The following PTPRD variants were observed in gnomAD, a reference collection of about 807,000 sequenced individuals.
PTPRD encodes receptor-type tyrosine-protein phosphatase delta.
PTPRD carries 34 observed loss-of-function variants against 214.5 expected under a neutral mutation model. The observed-to-expected ratio is 0.16, with a 90% CI of 0.12 to 0.21. The LOEUF (loss-of-function observed/expected upper bound fraction) is 0.21, where lower values mean the gene tolerates loss of function less well. Among genes scored for constraint, PTPRD ranks in the 10% least tolerant of loss-of-function variants. The pLI, the probability that PTPRD is intolerant of heterozygous loss-of-function variation, is 1.00. For missense variants in PTPRD, 2,545 were observed against 2,398.7 expected, an observed-to-expected ratio of 1.06 and a Z score of -1.27; for synonymous variants, 1,128 against 845.7, an observed-to-expected ratio of 1.33 and a Z score of -5.79.
At chr9:9,008,597 G>C (rs538690155) in intron 11 of PTPRD, among the ~76,000 whole-genome samples, 2 of 152,100 alleles carry the variant, frequency 1.3e-5, no homozygotes, top group Non-Finnish European at 2.9e-5. Context: ...AAAGGATGGA[G>C]TTAACTTTGT....
intron 3 of PTPRD, among the ~76,000 whole-genome samples, chr9:10,202,746 T>C (rs2099434289): frequency 6.8e-6 from 1 of 147,364 alleles, no homozygotes; most frequent in African/African-American, 2.5e-5. Flanking sequence ...CAATGTATGA[T>C]GCAGTTTGAT....
chr9:10,502,749 G>C (rs833448), intron 2 of PTPRD, among the ~76,000 whole-genome samples: 82,615 of 151,836 alleles, frequency 0.54, 23,041 homozygotes, highest in Admixed American at 0.68. Context: ...GTTGCATGTA[G>C]TTATCTAGCA....
rs140830787 is a variant in PTPRD, at chr9:9,796,993, A to G, written c.-367-30142T>C. Among the ~76,000 whole-genome samples the G allele has an allele frequency of 2.8e-3, 432 of 152,302 alleles. 3 individuals are homozygous for G. Among genetic ancestry groups the G allele is most frequent in the Middle Eastern group, 0.014 (4 of 294 alleles). On this transcript the variant is annotated intron_variant, in intron 5 of 45. Transcript: ENST00000381196. ...GGTAAACTCAGTGTAAGAAGTTTTT[A>G]TCAACTAATAGAGATGGAAGATTGA...
intron 9 of PTPRD, among the ~76,000 whole-genome samples, chr9:9,234,574 A>T (rs528019935): frequency 6.6e-6 from 1 of 152,140 alleles, no homozygotes; most frequent in South Asian, 2.1e-4. Flanking sequence ...AAATTTTCCA[A>T]ACTTTTATGC....
chr9:9,319,191 G>C (rs1345197867), intron 9 of PTPRD, among the ~76,000 whole-genome samples: 1 of 152,302 alleles, frequency 6.6e-6, no homozygotes, highest in East Asian at 1.9e-4. Flanking sequence ...CAGAATGAAT[G>C]AATGCTGCCT....
intron 3 of PTPRD, among the ~76,000 whole-genome samples, chr9:10,120,445 A>G (rs1385418412): frequency 2.0e-5 from 3 of 151,998 alleles, no homozygotes; most frequent in Non-Finnish European, 4.4e-5. Context: ...TCAAGCTCAC[A>G]CAAATCATAA....
At chr9:8,423,131 T>A (rs1564702078) in intron 35 of PTPRD, among the ~76,000 whole-genome samples, 1 of 152,118 alleles carries the variant, frequency 6.6e-6, no homozygotes, top group Non-Finnish European at 1.5e-5. Flanking sequence ...TCATGTTTCA[T>A]AATAACCAGA....
At chr9:8,707,673 C>T (rs2154401039) in intron 12 of PTPRD, among the ~76,000 whole-genome samples, 1 of 152,264 alleles carries the variant, frequency 6.6e-6, no homozygotes, top group Admixed American at 6.5e-5. Context: ...GATCTGATTC[C>T]CTAATTATAT....
At chr9:9,690,724 T>C (rs1039647395) in intron 7 of PTPRD, among the ~76,000 whole-genome samples, 19 of 152,028 alleles carry the variant, frequency 1.2e-4, no homozygotes, top group Middle Eastern at 3.4e-3. Flanking sequence ...AAGAGCCTGT[T>C]ATTTTGCCAA....
At position 8,938,935 on chromosome 9, in the gene PTPRD, A is replaced by G. The variant is rs113448044; in HGVS notation, c.-104+79762T>C. Among the ~76,000 whole-genome samples the G allele has an allele frequency of 1.1e-3, 175 of 152,232 alleles. 2 individuals carry two copies. Among genetic ancestry groups the G allele is most frequent in the African/African-American group, 4.1e-3 (171 of 41,538 alleles). On this transcript the variant is annotated intron_variant, in intron 11 of 45. Coordinates refer to ENST00000381196, the MANE Select transcript of PTPRD (RefSeq NM_002839.4). ...CTCAGCATTTGTCCAGCTCAGTTCC[A>G]TTACGTAAAAGCTGTCTGTCTGTCT...
intron 2 of PTPRD, among the ~76,000 whole-genome samples, chr9:10,486,650 C>G (rs1285445512): frequency 6.6e-6 from 1 of 152,120 alleles, no homozygotes; most frequent in Non-Finnish European, 1.5e-5. Flanking sequence ...TAGTTTTACT[C>G]CATTGTAGTC....
intron 3 of PTPRD, among the ~76,000 whole-genome samples, chr9:10,303,357 A>T (rs1435961921): frequency 6.6e-6 from 1 of 152,216 alleles, no homozygotes; most frequent in Non-Finnish European, 1.5e-5. Flanking sequence ...AGAACGAGTG[A>T]AGCAAGAGCA....
chr9:10,061,649 T>C (rs761284691), intron 3 of PTPRD, among the ~76,000 whole-genome samples: 4 of 151,966 alleles, frequency 2.6e-5, no homozygotes, highest in African/African-American at 9.7e-5. Context: ...ATGCCCAAAT[T>C]AGGAAATTTA....
chr9:8,431,238 T>C (rs1219473949), intron 35 of PTPRD, among the ~76,000 whole-genome samples: 1 of 152,170 alleles, frequency 6.6e-6, no homozygotes, highest in African/African-American at 2.4e-5. Flanking sequence ...ATGGGGCCTG[T>C]ACGTAAATGA....
At chr9:9,891,272 C>A (rs1231954666) in intron 5 of PTPRD, among the ~76,000 whole-genome samples, 3 of 151,782 alleles carry the variant, frequency 2.0e-5, no homozygotes, top group Non-Finnish European at 4.4e-5. Context: ...AAGAAATATG[C>A]AATAAACTCC....
intron 9 of PTPRD, among the ~76,000 whole-genome samples, chr9:9,283,776 T>C (rs1243770695): frequency 1.3e-5 from 2 of 151,652 alleles, no homozygotes; most frequent in Non-Finnish European, 3.0e-5. Context: ...TGGACTGCAT[T>C]AATCATAGTG....
At chr9:10,426,295 G>C (rs191312971) in intron 2 of PTPRD, among the ~76,000 whole-genome samples, 113 of 152,026 alleles carry the variant, frequency 7.4e-4, no homozygotes, top group Non-Finnish European at 1.4e-3. Context: ...CATGAGTATT[G>C]TCATTGCTCT....
chr9:9,708,704 A>C (rs566318409), intron 7 of PTPRD, among the ~76,000 whole-genome samples: 3 of 152,164 alleles, frequency 2.0e-5, no homozygotes, highest in Admixed American at 6.5e-5. Context: ...AGATAAGTCT[A>C]TACCCGTCAG....
chr9:10,009,613 T>G (rs573110189), intron 4 of PTPRD, among the ~76,000 whole-genome samples: 1 of 152,054 alleles, frequency 6.6e-6, no homozygotes, highest in East Asian at 1.9e-4. Context: ...CAACAGACTG[T>G]AAATATTTCC....
Sources: allele counts gnomAD v4.1 joint callset (sites outside exome capture counted in the v4.1 genomes callset), GRCh38; gene constraint gnomAD v4.1.1; transcripts MANE v1.5; gene names NCBI Gene and HGNC (gene_info 2026-07-23, HGNC 2026-07-21).